WSCD2: variants seen among roughly 807,000 people sequenced by gnomAD.
The protein encoded by WSCD2 is sialate:O-sulfotransferase 2.
Under a neutral mutation model 55.7 loss-of-function variants are expected in WSCD2, and 28 were observed. The ratio of observed to expected loss-of-function variants is 0.50; its 90% CI spans 0.37 to 0.69. WSCD2 has a LOEUF of 0.69. Among genes scored for constraint, WSCD2 ranks in the 30% least tolerant of loss-of-function variants. The probability of loss-of-function intolerance (pLI) is 0.00; values close to 1 mark genes in which losing one functional copy is unlikely to be tolerated. For missense variants in WSCD2, 616 were observed against 762.1 expected (o/e 0.81, Z 2.26); for synonymous variants, 301 against 301.9 (o/e 1.00, Z 0.03).
chr12:108,238,175 C>T (rs1462237148), intron 7 of WSCD2, among the ~76,000 whole-genome samples: 1 of 152,216 alleles, frequency 6.6e-6, no homozygotes, highest in Non-Finnish European at 1.5e-5. Context: ...CTCCCACATC[C>T]TATTCCTCAT....
chr12:108,247,883 G>A, intron 8 of WSCD2, 108 bp from the exon 9 acceptor site: 1 of 1,204,548 alleles, frequency 8.3e-7, no homozygotes, highest in Non-Finnish European at 1.2e-6. Context: ...ATTGTTAATT[G>A]TGTTACCGTG....
chr12:108,184,960 G>A (rs906682386), intron 1 of WSCD2, among the ~76,000 whole-genome samples: 1 of 152,164 alleles, frequency 6.6e-6, no homozygotes, highest in South Asian at 2.1e-4. Context: ...TTTGAGCTCT[G>A]AAGAGGGACA....
intron 1 of WSCD2, among the ~76,000 whole-genome samples, chr12:108,192,219 C>T (rs753676466): frequency 6.6e-6 from 1 of 152,166 alleles, no homozygotes. Flanking sequence ...ATCAGGTATT[C>T]CTCCTACAAT....
intron 2 of WSCD2, among the ~76,000 whole-genome samples, chr12:108,205,237 A>G (rs1322232422): frequency 2.6e-5 from 4 of 152,170 alleles, no homozygotes; most frequent in Middle Eastern, 3.2e-3. Flanking sequence ...CTTGGCTTCA[A>G]TTCTGAATCC....
chr12:108,237,690 G>A (rs1021803156), intron 7 of WSCD2, among the ~76,000 whole-genome samples: 2 of 152,158 alleles, frequency 1.3e-5, no homozygotes, highest in Non-Finnish European at 2.9e-5. Context: ...TCTGCTAAAT[G>A]GAATTTTCTC....
chr12:108,159,144 TG>T (rs1030351819), intron 1 of WSCD2, among the ~76,000 whole-genome samples: 5 of 152,216 alleles, frequency 3.3e-5, no homozygotes, highest in African/African-American at 1.2e-4. Context: ...GAGGTTGCCC[TG>T]GTTGTTCCTC....
At chr12:108,143,631 A>C (rs1877083806) in intron 1 of WSCD2, among the ~76,000 whole-genome samples, 1 of 152,072 alleles carries the variant, frequency 6.6e-6, no homozygotes, top group Non-Finnish European at 1.5e-5. Context: ...ATTATGACTG[A>C]TGTTACAATT....
intron 1 of WSCD2, among the ~76,000 whole-genome samples, chr12:108,192,576 C>G (rs1883322033): frequency 6.6e-6 from 1 of 152,220 alleles, no homozygotes; most frequent in East Asian, 1.9e-4. Flanking sequence ...ACAGTCCCAA[C>G]TCCTGAGCTT....
chr12:108,162,575 C>T (rs1879186342), intron 1 of WSCD2, among the ~76,000 whole-genome samples: 1 of 152,154 alleles, frequency 6.6e-6, no homozygotes, highest in African/African-American at 2.4e-5. Context: ...CCCAAAGTGC[C>T]AAGGAAATTC....
intron 2 of WSCD2, among the ~76,000 whole-genome samples, chr12:108,199,431 C>T (rs1884374902): frequency 6.6e-6 from 1 of 152,178 alleles, no homozygotes; most frequent in African/African-American, 2.4e-5. Flanking sequence ...CAGTCATTTA[C>T]CTAGGCCTCT....
Position 108,249,796 on chromosome 12 carries a change from C to T in WSCD2, c.*1453C>T, listed in dbSNP as rs1890330689. 6.6e-6 allele frequency: 1 copy of T among 152,646 alleles called. No homozygotes were observed. The highest frequency in any genetic ancestry group is 1.5e-5 in the Non-Finnish European group (1 of 68,036). The allele number at this position is 152,646 out of a possible 1,614,324, so 9.5% of individuals were successfully genotyped here. ...TTCCGCCCCTTGGAACCTGGCCATG[C>T]AAAGCAAGGGCACAGGGATTAGACC... On this transcript the variant is annotated 3_prime_UTR_variant, in exon 9 of 9. Coordinates refer to ENST00000547525, the MANE Select transcript of WSCD2 (RefSeq NM_014653.4).
intron 1 of WSCD2, among the ~76,000 whole-genome samples, chr12:108,189,980 A>G (rs1032947558): frequency 2.6e-5 from 4 of 152,204 alleles, no homozygotes; most frequent in African/African-American, 9.7e-5. Flanking sequence ...AGAAATTATT[A>G]TAAGATGTAG....
chr12:108,227,613 C>A (rs1888255348), intron 6 of WSCD2, among the ~76,000 whole-genome samples: 1 of 152,204 alleles, frequency 6.6e-6, no homozygotes, highest in African/African-American at 2.4e-5. Flanking sequence ...TCTTCTCTCT[C>A]CCTGTCTCAC....
chr12:108,238,259 T>G (rs1889424979), intron 7 of WSCD2, among the ~76,000 whole-genome samples: 1 of 152,214 alleles, frequency 6.6e-6, no homozygotes, highest in African/African-American at 2.4e-5. Flanking sequence ...TAATATTTTC[T>G]CATGGGCACG....
At chr12:108,224,702 G>A in intron 4 of WSCD2, 37 bp from the exon 5 acceptor site, 7 of 1,598,878 alleles carry the variant, frequency 4.4e-6, no homozygotes, top group South Asian at 1.1e-5. Context: ...CTGACTCCTT[G>A]TATATCTGAC....
chr12:108,185,524 T>C (rs1404962502), intron 1 of WSCD2, among the ~76,000 whole-genome samples: 1 of 152,202 alleles, frequency 6.6e-6, no homozygotes. Context: ...TTCCTCCTAT[T>C]CTCCATGCTA....
chr12:108,222,320 A>C (rs186054213), intron 4 of WSCD2, among the ~76,000 whole-genome samples: 1 of 152,360 alleles, frequency 6.6e-6, no homozygotes, highest in East Asian at 1.9e-4. Context: ...AAGTTTTTGC[A>C]AACGATGGGT....
chr12:108,238,426 G>C (rs1889437672), intron 7 of WSCD2, among the ~76,000 whole-genome samples: 1 of 152,154 alleles, frequency 6.6e-6, no homozygotes, highest in African/African-American at 2.4e-5. Flanking sequence ...CTGTCTCCAG[G>C]AACAGGAGCA....
At chr12:108,132,048 G>A (rs1875591136) in intron 1 of WSCD2, among the ~76,000 whole-genome samples, 1 of 152,188 alleles carries the variant, frequency 6.6e-6, no homozygotes, top group African/African-American at 2.4e-5. Flanking sequence ...GTGTGTGTGT[G>A]TGTACGCATG....
Sources: allele counts gnomAD v4.1 joint callset (sites outside exome capture counted in the v4.1 genomes callset), GRCh38; gene constraint gnomAD v4.1.1; transcripts MANE v1.5; gene names NCBI Gene and HGNC (gene_info 2026-07-23, HGNC 2026-07-21).